The following ADAMTS19 variants were observed in gnomAD, a reference collection of about 807,000 sequenced individuals.
ADAMTS19 encodes the protein A disintegrin and metalloproteinase with thrombospondin motifs 19.
In ADAMTS19, 93 loss-of-function variants were observed where a neutral mutation model predicts 153.3. The ratio of observed to expected loss-of-function variants is 0.61; its 90% CI spans 0.51 to 0.72. ADAMTS19 has a LOEUF of 0.72. Among genes scored for constraint, ADAMTS19 ranks in the 30% least tolerant of loss-of-function variants. The pLI is 0.00. For missense variants in ADAMTS19, 1,482 were observed against 1,552.1 expected, an observed-to-expected ratio of 0.95 and a Z score of 0.76; for synonymous variants, 600 against 556.6, an observed-to-expected ratio of 1.08 and a Z score of -1.10.
At chr5:129,496,346 A>G (rs1750928480) in intron 2 of ADAMTS19, among the ~76,000 whole-genome samples, 2 of 152,164 alleles carry the variant, frequency 1.3e-5, no homozygotes, top group Admixed American at 1.3e-4. Flanking sequence ...GCACATTGCT[A>G]TATTTCCTGC....
At chr5:129,598,991 C>T (rs61605166) in intron 8 of ADAMTS19, among the ~76,000 whole-genome samples, 5,766 of 151,992 alleles carry the variant, frequency 0.038, 337 homozygotes, top group African/African-American at 0.13. Context: ...CAGTTCAAAC[C>T]CATGTTGTTC....
intron 21 of ADAMTS19, among the ~76,000 whole-genome samples, chr5:129,708,352 A>G (rs1381943689): frequency 6.6e-6 from 1 of 152,162 alleles, no homozygotes; most frequent in African/African-American, 2.4e-5. Context: ...TCTCTCTGCT[A>G]TAGACATGTT....
At chr5:129,726,074 A>C (rs2127209952) in intron 21 of ADAMTS19, among the ~76,000 whole-genome samples, 1 of 152,274 alleles carries the variant, frequency 6.6e-6, no homozygotes, top group East Asian at 1.9e-4. Context: ...AACTTGCTTA[A>C]GTCCTAAATC....
At chr5:129,481,900 G>T (rs572252335) in intron 2 of ADAMTS19, among the ~76,000 whole-genome samples, 39 of 152,182 alleles carry the variant, frequency 2.6e-4, no homozygotes, top group African/African-American at 9.4e-4. Context: ...AAGCCCACGA[G>T]TGTCTAAGGC....
chr5:129,590,606 T>A (rs1208766869), intron 7 of ADAMTS19, among the ~76,000 whole-genome samples: 4 of 152,176 alleles, frequency 2.6e-5, no homozygotes, highest in African/African-American at 4.8e-5. Context: ...AATATTTTTT[T>A]AAAAATAGAA....
At chr5:129,478,457 G>A (rs546911364) in intron 2 of ADAMTS19, among the ~76,000 whole-genome samples, 23 of 152,268 alleles carry the variant, frequency 1.5e-4, no homozygotes, top group Admixed American at 1.4e-3. Context: ...TAAATAGCAA[G>A]GAACATATCT....
At chr5:129,504,900 C>CACACACACACAT (rs1751223557) in intron 2 of ADAMTS19, among the ~76,000 whole-genome samples, 1 of 149,430 alleles carries the variant, frequency 6.7e-6, no homozygotes, top group Non-Finnish European at 1.5e-5. Flanking sequence ...CACACACACA[C>CACACACACACAT]ACACCATTTT....
At chr5:129,463,029 G>A (rs548648065) in intron 2 of ADAMTS19, among the ~76,000 whole-genome samples, 2 of 152,166 alleles carry the variant, frequency 1.3e-5, no homozygotes, top group African/African-American at 2.4e-5. Context: ...ATTCAAATAC[G>A]GGCATTTTTA....
At chr5:129,702,941 A>AAATATAT in intron 20 of ADAMTS19, among the ~76,000 whole-genome samples, 41 of 29,288 alleles carry the variant, frequency 1.4e-3, no homozygotes, top group South Asian at 4.4e-3. Context: ...AAAAAAAAAA[A>AAATATAT]ATATATATAT....
chr5:129,616,194 C>T (rs1158149411), intron 8 of ADAMTS19, among the ~76,000 whole-genome samples: 2 of 151,830 alleles, frequency 1.3e-5, no homozygotes, highest in Non-Finnish European at 2.9e-5. Flanking sequence ...TGAATTTTTT[C>T]TCCATGAACA....
At chr5:129,551,298 A>G (rs1191727942) in intron 6 of ADAMTS19, among the ~76,000 whole-genome samples, 1 of 151,724 alleles carries the variant, frequency 6.6e-6, no homozygotes. Context: ...AGGAATGCTA[A>G]GATATAATTT....
intron 7 of ADAMTS19, among the ~76,000 whole-genome samples, chr5:129,580,859 A>G (rs1749479175): frequency 6.6e-6 from 1 of 152,170 alleles, no homozygotes; most frequent in Non-Finnish European, 1.5e-5. Context: ...CGATTTTTGC[A>G]TCGATGTTCG....
chr5:129,515,354 G>A (rs777821981), intron 3 of ADAMTS19, among the ~76,000 whole-genome samples: 11 of 151,868 alleles, frequency 7.2e-5, no homozygotes, highest in Non-Finnish European at 1.6e-4. Flanking sequence ...TTTTGATAGG[G>A]ATTGTATTGA....
At position 129,468,237 on chromosome 5, in the gene ADAMTS19, A is replaced by G. The variant is rs141882369; in HGVS notation, c.747+6480A>G. 3.2e-3 allele frequency among the ~76,000 whole-genome samples: 489 copies of G among 152,336 alleles called. 5 individuals are homozygous for G. Among genetic ancestry groups the G allele is most frequent in the African/African-American group, 0.011 (477 of 41,570 alleles). ...AATTGTACCCCATAGAGATGGTGCT[A>G]CTTTACAGTCTCAGACCAGGAGAGT... On this transcript the variant is annotated intron_variant, in intron 2 of 22. Coordinates refer to ENST00000274487, the MANE Select transcript of ADAMTS19 (RefSeq NM_133638.6).
intron 7 of ADAMTS19, among the ~76,000 whole-genome samples, chr5:129,588,736 T>C (rs1749946349): frequency 6.6e-6 from 1 of 151,838 alleles, no homozygotes; most frequent in South Asian, 2.1e-4. Context: ...GGGGGTTATT[T>C]TATTTGGTGA....
chr5:129,727,561 T>G (rs1306767667), intron 21 of ADAMTS19, among the ~76,000 whole-genome samples: 1 of 152,170 alleles, frequency 6.6e-6, no homozygotes. Flanking sequence ...TAAATAGTGC[T>G]TAAGCATTTA....
chr5:129,521,697 T>C (rs1751806353), intron 3 of ADAMTS19, among the ~76,000 whole-genome samples: 1 of 152,146 alleles, frequency 6.6e-6, no homozygotes, highest in South Asian at 2.1e-4. Flanking sequence ...AGCAATTTTC[T>C]TTAAAGGGTG....
intron 20 of ADAMTS19, among the ~76,000 whole-genome samples, chr5:129,703,892 T>A (rs549649204): frequency 6.6e-6 from 1 of 152,312 alleles, no homozygotes; most frequent in East Asian, 1.9e-4. Flanking sequence ...AAAATGAATT[T>A]TTTTACATAA....
At chr5:129,570,824 C>T (rs1391987850) in intron 7 of ADAMTS19, among the ~76,000 whole-genome samples, 2 of 151,744 alleles carry the variant, frequency 1.3e-5, no homozygotes, top group Admixed American at 6.6e-5. Flanking sequence ...TGCATGTTGA[C>T]CATGTCAACT....
Sources: gnomAD v4.1 joint callset for allele counts (sites outside exome capture counted in the v4.1 genomes callset) on GRCh38, gnomAD v4.1.1 for gene constraint, MANE v1.5 for transcripts, NCBI Gene and HGNC (gene_info 2026-07-23, HGNC 2026-07-21) for gene names.